Variants in TMEM164 observed in about 807,000 individuals in gnomAD.
The protein encoded by TMEM164 is transmembrane protein 164.
Under a neutral mutation model 18.8 loss-of-function variants are expected in TMEM164, and 4 were observed. That is an observed-to-expected ratio of 0.21 (90% CI 0.10 to 0.49). The LOEUF is 0.49. Ranked by LOEUF, TMEM164 falls within the 20% of genes least tolerant of loss-of-function variation. The pLI is 0.98. For synonymous variants in TMEM164, 86 were observed against 101.7 expected, an observed-to-expected ratio of 0.85 and a Z score of 0.93; for missense variants, 108 against 239.9, an observed-to-expected ratio of 0.45 and a Z score of 3.63.
rs1188858556 is a variant in TMEM164 at position 110,175,192 on chromosome X, C to G, written c.*1741C>G. The G allele has an allele frequency of 1.8e-5, 2 of 112,945 alleles. No individual in the cohort carries two copies. The highest frequency in any genetic ancestry group is 9.3e-5 in the Admixed American group (1 of 10,798). 9.3% of individuals were successfully genotyped at this position (112,945 alleles called of 1,213,427 possible). ...GTGCCTCTCACCTTAGGGTGGCCCT[C>G]CAGGGAAGGTGCTCCTTGAATGGCT... On this transcript the variant is annotated 3_prime_UTR_variant, in exon 7 of 7. Transcript: ENST00000372068.
rs369187031 is a variant in TMEM164 at position 110,084,477 on chromosome X, TAGAGAGAGAG to T, written c.440+17095_440+17104del. On this transcript the variant is annotated intron_variant, in intron 3 of 6. Coordinates refer to ENST00000372068, the MANE Select transcript of TMEM164 (RefSeq NM_032227.4). The stretch of plus-strand genomic sequence containing the variant: ...ATATATAGTATAGTATATATATATA[TAGAGAGAGAG>T]AGAGAGAGAGAGACATGGTGGTGCA... 6.1e-5 allele frequency among the ~76,000 whole-genome samples: 3 copies of T among 48,946 alleles called. No individual in the cohort carries two copies. The East Asian group carries it at 3.3e-3, about 54-fold the overall frequency. 42.5% of individuals were successfully genotyped at this position (48,946 alleles called of 115,157 possible).
intron 2 of TMEM164, among the ~76,000 whole-genome samples, chrX:110,014,334 C>A (rs1435723787): frequency 9.0e-6 from 1 of 111,255 alleles, no homozygotes; most frequent in Non-Finnish European, 1.9e-5. Context: ...ATGCAGTGGG[C>A]AAAGGTATTG....
intron 2 of TMEM164, among the ~76,000 whole-genome samples, chrX:110,005,066 G>C (rs1370569014): frequency 8.9e-6 from 1 of 112,298 alleles, no homozygotes; most frequent in Non-Finnish European, 1.9e-5. Context: ...TGGAGGAGGA[G>C]GAAGAGGAGA....
At chrX:110,146,543 C>A (rs1293930805) in intron 5 of TMEM164, among the ~76,000 whole-genome samples, 1 of 111,815 alleles carries the variant, frequency 8.9e-6, no homozygotes, top group Non-Finnish European at 1.9e-5. Context: ...TTGCTAATAA[C>A]CAATAGATAC....
At chrX:110,071,161 ATTTAT>A (rs2065582445) in intron 3 of TMEM164, among the ~76,000 whole-genome samples, 1 of 105,863 alleles carries the variant, frequency 9.4e-6, no homozygotes, top group South Asian at 4.1e-4. Context: ...ATATTTATTT[ATTTAT>A]TTATTTATTT....
intron 2 of TMEM164, among the ~76,000 whole-genome samples, chrX:110,051,587 A>C (rs1935559177): frequency 1.0e-5 from 1 of 95,604 alleles, no homozygotes; most frequent in Admixed American, 1.1e-4. Context: ...TTCTTTCAAA[A>C]AAAAAAAAAG....
intron 5 of TMEM164, among the ~76,000 whole-genome samples, chrX:110,150,117 C>T (rs1223485105): frequency 1.8e-5 from 2 of 112,232 alleles, no homozygotes; most frequent in Non-Finnish European, 3.8e-5. Context: ...AAGAAAGGAA[C>T]ATGCTCTTAT....
At chrX:110,092,137 T>C (rs1274170327) in intron 3 of TMEM164, among the ~76,000 whole-genome samples, 1 of 112,090 alleles carries the variant, frequency 8.9e-6, no homozygotes, top group Non-Finnish European at 1.9e-5. Flanking sequence ...TGAAGTCAGA[T>C]AGCATGATGC....
At chrX:110,118,563 G>A (rs1160351222) in intron 4 of TMEM164, among the ~76,000 whole-genome samples, 1 of 110,974 alleles carries the variant, frequency 9.0e-6, no homozygotes, top group Non-Finnish European at 1.9e-5. Flanking sequence ...CATTATTCCC[G>A]AGTTCTGAAG....
chrX:110,030,596 A>G (rs1934445918), intron 2 of TMEM164, among the ~76,000 whole-genome samples: 1 of 108,288 alleles, frequency 9.2e-6, no homozygotes, highest in Non-Finnish European at 1.9e-5. Flanking sequence ...AGGCGGGCAG[A>G]TCACAGGATT....
At chrX:110,124,052 G>C (rs1227449794) in intron 4 of TMEM164, among the ~76,000 whole-genome samples, 1 of 109,478 alleles carries the variant, frequency 9.1e-6, no homozygotes, top group Non-Finnish European at 1.9e-5. Context: ...ACAGTTCAAG[G>C]TTACCATGAG....
At chrX:110,179,748 C>T (rs924981004), downstream of TMEM164, among the ~76,000 whole-genome samples, 2 of 112,037 alleles carry the variant, frequency 1.8e-5, no homozygotes, top group African/African-American at 3.3e-5. Context: ...CATTACTGGT[C>T]TCTCTCCCTC....
chrX:110,176,004 T>TG lies in TMEM164; in HGVS notation c.*2555dup. ...GAGAAGCTGGAGCTTGCACACCCAG[T>TG]GGCCAGTGGGGCTGTCTTCCCAGCT... is the stretch of plus-strand genomic sequence containing the variant. On this transcript the variant is annotated 3_prime_UTR_variant, in exon 7 of 7. Transcript: ENST00000372068. 1 of 756,599 alleles carries TG rather than the reference T, an allele frequency of 1.3e-6. No individual in the cohort carries two copies. The highest frequency in any genetic ancestry group is 2.3e-5 in the African/African-American group (1 of 43,926). 62.4% of individuals were successfully genotyped at this position (756,599 alleles called of 1,213,427 possible). A position where few individuals can be genotyped will look rare whatever the true frequency, so the allele number is the denominator to read the frequency against.
chrX:110,034,090 C>A (rs1569301505), intron 2 of TMEM164, among the ~76,000 whole-genome samples: 1 of 111,733 alleles, frequency 8.9e-6, no homozygotes, highest in African/African-American at 3.3e-5. Flanking sequence ...CTTAGGCTAA[C>A]CTTCTCCTGT....
chrX:110,002,878 G>C (rs1368302736), upstream of TMEM164: 6 of 111,148 alleles, frequency 5.4e-5, no homozygotes, highest in Non-Finnish European at 9.5e-5. Flanking sequence ...TTTAGTCCAG[G>C]GGCCGGCTTT....
intron 5 of TMEM164, among the ~76,000 whole-genome samples, chrX:110,163,676 G>T (rs971721472): frequency 3.6e-5 from 4 of 112,317 alleles, no homozygotes; most frequent in African/African-American, 9.7e-5. Flanking sequence ...AGTACTTTCC[G>T]TTTATACACT....
chrX:110,080,288 T>A (rs1396167701), intron 3 of TMEM164, among the ~76,000 whole-genome samples: 1 of 112,115 alleles, frequency 8.9e-6, no homozygotes, highest in Non-Finnish European at 1.9e-5. Flanking sequence ...TGTAATAATA[T>A]GTATTTCCCA....
chrX:110,021,613 G>A (rs1351022244), intron 2 of TMEM164, among the ~76,000 whole-genome samples: 1 of 111,597 alleles, frequency 9.0e-6, no homozygotes, highest in African/African-American at 3.3e-5. Flanking sequence ...AAACATCAGT[G>A]TGAAGCGGGG....
intron 5 of TMEM164, among the ~76,000 whole-genome samples, chrX:110,160,727 T>G (rs999417785): frequency 1.8e-5 from 2 of 111,198 alleles, no homozygotes; most frequent in Non-Finnish European, 3.8e-5. Flanking sequence ...GTAATAAGGT[T>G]GTTTTTTTGT....
Sources: gnomAD v4.1 joint callset for allele counts (sites outside exome capture counted in the v4.1 genomes callset) on GRCh38, gnomAD v4.1.1 for gene constraint, MANE v1.5 for transcripts, NCBI Gene and HGNC (gene_info 2026-07-23, HGNC 2026-07-21) for gene names.